LRRC2: variants seen among roughly 807,000 people sequenced by gnomAD.
LRRC2 encodes the protein leucine rich repeat containing 2.
Under a neutral mutation model 40.2 loss-of-function variants are expected in LRRC2, and 27 were observed. That is an observed-to-expected ratio of 0.67 (90% CI 0.49 to 0.93). The LOEUF (loss-of-function observed/expected upper bound fraction) is 0.93, where lower values mean the gene tolerates loss of function less well. LRRC2 is among the 40% of genes least tolerant of loss of function. The pLI is 0.00. For synonymous variants in LRRC2, 147 were observed against 158.9 expected (o/e 0.92, Z 0.56); for missense variants, 402 against 439.6 (o/e 0.91, Z 0.76).
chr3:46,554,957 T>C (rs1704757462), intron 1 of LRRC2, among the ~76,000 whole-genome samples: 1 of 152,196 alleles, frequency 6.6e-6, no homozygotes, highest in Non-Finnish European at 1.5e-5. Context: ...AAGAGGTATC[T>C]TGTTGTTTTG....
rs1380596014 is a variant in LRRC2, at chr3:46,527,558, A to G, written c.797T>C (p.Leu266Pro). ...IDRLEELQSF[L>P]LYKNKLTYLP... ...GTAGGTCAACTTGTTTTTATACAAGAGAAAGCTCTGCAGCTCCTCTAGCCT... is the reference window on the plus strand; with the variant it reads ...GTAGGTCAACTTGTTTTTATACAAGGGAAAGCTCTGCAGCTCCTCTAGCCT... The change falls in exon 7 of 9, where the codon CTC becomes CCC. Residue 266 changes from leucine (L) to proline (P), a missense_variant. Transcript: ENST00000395905. The G allele has an allele frequency of 6.2e-7, 1 of 1,614,082 alleles. No individual in the cohort carries two copies. Among genetic ancestry groups the G allele is most frequent in the South Asian group, 1.1e-5 (1 of 91,084 alleles).
At chr3:46,520,178 T>C (rs2106972045) in intron 8 of LRRC2, among the ~76,000 whole-genome samples, 1 of 148,536 alleles carries the variant, frequency 6.7e-6, no homozygotes, top group African/African-American at 2.4e-5. Flanking sequence ...ATTTATTAAA[T>C]GATATTTTAT....
chr3:46,522,261 G>C (rs978689558), intron 7 of LRRC2, among the ~76,000 whole-genome samples: 1 of 151,924 alleles, frequency 6.6e-6, no homozygotes, highest in African/African-American at 2.4e-5. Flanking sequence ...TATAATCCCA[G>C]CTACTCAGGA....
intron 1 of LRRC2, among the ~76,000 whole-genome samples, chr3:46,560,716 G>A (rs1490841139): frequency 6.6e-6 from 1 of 152,180 alleles, no homozygotes; most frequent in East Asian, 1.9e-4. Context: ...GGTTGTAGCA[G>A]AATTATGAGA....
intron 1 of LRRC2, among the ~76,000 whole-genome samples, chr3:46,553,153 T>A (rs1363373354): frequency 6.8e-6 from 1 of 146,642 alleles, no homozygotes; most frequent in Non-Finnish European, 1.5e-5. Context: ...TACATTTACT[T>A]TTTGTTTTAA....
chr3:46,562,470 A>T (rs1004003448), intron 1 of LRRC2, among the ~76,000 whole-genome samples: 3 of 152,234 alleles, frequency 2.0e-5, no homozygotes, highest in African/African-American at 7.2e-5. Context: ...ACAGTCTAGA[A>T]TAAACTGTTA....
At chr3:46,527,282 C>G in intron 7 of LRRC2, 144 bp downstream of exon 7, 1 of 828,574 alleles carries the variant, frequency 1.2e-6, no homozygotes, top group South Asian at 1.8e-5. Context: ...TGTAAAAAGT[C>G]ACCAGAACTT....
rs1026123328 is a variant in LRRC2, at chr3:46,515,920, T to A, written c.*3094A>T. On this transcript the variant is annotated 3_prime_UTR_variant, in exon 9 of 9. Coordinates refer to ENST00000395905, the MANE Select transcript of LRRC2 (RefSeq NM_024512.5). Reference sequence around the variant, plus strand: ...CTATTTAAGATTCAACGAAGGTGATTTCTCATTTTCCTACTCTTTTCATCT... The same window carrying A: ...CTATTTAAGATTCAACGAAGGTGATATCTCATTTTCCTACTCTTTTCATCT... 6.6e-6 allele frequency: 1 copy of A among 151,846 alleles called. No homozygotes were observed. 9.4% of individuals were successfully genotyped at this position (151,846 alleles called of 1,614,324 possible). A position where few individuals can be genotyped will look rare whatever the true frequency, so the allele number is the denominator to read the frequency against.
At chr3:46,534,953 T>C (rs539619094) in intron 4 of LRRC2, among the ~76,000 whole-genome samples, 2 of 152,326 alleles carry the variant, frequency 1.3e-5, no homozygotes, top group East Asian at 1.9e-4. Context: ...GTTTCTTCAT[T>C]TATCCCTAGT....
intron 7 of LRRC2, among the ~76,000 whole-genome samples, chr3:46,525,379 T>C (rs529394393): frequency 2.0e-5 from 3 of 152,000 alleles, no homozygotes; most frequent in Non-Finnish European, 4.4e-5. Context: ...GCCTCCCAAG[T>C]ACCTAGGACT....
chr3:46,552,843 T>C (rs1704692950), intron 1 of LRRC2, among the ~76,000 whole-genome samples: 2 of 152,206 alleles, frequency 1.3e-5, no homozygotes, highest in Non-Finnish European at 1.5e-5. Flanking sequence ...TTGATCTCTG[T>C]TTACCTGGTT....
At chr3:46,535,212 T>C (rs1704249810) in intron 4 of LRRC2, among the ~76,000 whole-genome samples, 1 of 152,230 alleles carries the variant, frequency 6.6e-6, no homozygotes, top group Non-Finnish European at 1.5e-5. Context: ...TCTCCCTTTT[T>C]ATTATTGTGT....
chr3:46,521,221 G>T (rs1016511408), intron 8 of LRRC2, among the ~76,000 whole-genome samples: 2 of 152,014 alleles, frequency 1.3e-5, no homozygotes, highest in South Asian at 4.2e-4. Flanking sequence ...TGTCAATATC[G>T]TTTAGTTAAA....
At chr3:46,546,926 G>C (rs1704538358) in intron 2 of LRRC2, among the ~76,000 whole-genome samples, 1 of 152,124 alleles carries the variant, frequency 6.6e-6, no homozygotes, top group Non-Finnish European at 1.5e-5. Context: ...CAGTAAATGA[G>C]ATGAAGGAAA....
Position 46,516,922 on chromosome 3 carries a change from A to T in LRRC2, c.*2092T>A, listed in dbSNP as rs907300660. ...CTCCCCTCATAAATGCTTTGGACTGATCACCCTGCCATTTAGTGCTTCTTC... is the reference window on the plus strand; with the variant it reads ...CTCCCCTCATAAATGCTTTGGACTGTTCACCCTGCCATTTAGTGCTTCTTC... On this transcript the variant is annotated 3_prime_UTR_variant, in exon 9 of 9. Transcript: ENST00000395905. The T allele has an allele frequency of 5.9e-5, 9 of 152,196 alleles. No homozygotes were observed. The highest frequency in any genetic ancestry group is 2.2e-4 in the African/African-American group (9 of 41,444). The allele number at this position is 152,196 out of a possible 1,614,324, so 9.4% of individuals were successfully genotyped here.
At chr3:46,561,661 G>A (rs370140802) in intron 1 of LRRC2, among the ~76,000 whole-genome samples, 50 of 152,256 alleles carry the variant, frequency 3.3e-4, no homozygotes, top group African/African-American at 8.9e-4. Flanking sequence ...CTCTCCTCCC[G>A]TCATCACAAG....
intron 8 of LRRC2, among the ~76,000 whole-genome samples, chr3:46,520,294 G>A (rs1202707186): frequency 1.3e-5 from 2 of 150,398 alleles, no homozygotes; most frequent in East Asian, 3.9e-4. Context: ...TTTCTTTCTT[G>A]GAGTTTTACA....
chr3:46,522,892 A>ATTATTTCAAT lies in LRRC2; in HGVS notation c.930-1244_930-1235dup, dbSNP rs542933709. ...ATGTATTGATGTGAAAAATATTGTA[A>ATTATTTCAAT]TTATTTCAATTCAAAACAGTAAATC... On this transcript the variant is annotated intron_variant, in intron 7 of 8. Coordinates refer to ENST00000395905, the MANE Select transcript of LRRC2 (RefSeq NM_024512.5). Among the ~76,000 whole-genome samples, 51 of 152,084 alleles carry ATTATTTCAAT rather than the reference A, an allele frequency of 3.4e-4. 1 individual carries two copies. In the South Asian group the frequency reaches 8.7e-3, roughly 26 times the overall value.
chr3:46,552,408 G>A (rs1704680023), intron 1 of LRRC2, among the ~76,000 whole-genome samples: 1 of 151,132 alleles, frequency 6.6e-6, no homozygotes. Flanking sequence ...TCACATAGGC[G>A]GTGTTATAAT....
Sources: gnomAD v4.1 joint callset for allele counts (sites outside exome capture counted in the v4.1 genomes callset) on GRCh38, gnomAD v4.1.1 for gene constraint, MANE v1.5 for transcripts, NCBI Gene and HGNC (gene_info 2026-07-23, HGNC 2026-07-21) for gene names.